Variants in PDILT observed in about 807,000 individuals in gnomAD.
PDILT encodes protein disulfide isomerase like, testis expressed.
PDILT carries 43 observed loss-of-function variants against 53.7 expected under a neutral mutation model. The ratio of observed to expected loss-of-function variants is 0.80; its 90% CI spans 0.63 to 1.03. PDILT has a LOEUF of 1.03. Among genes scored for constraint, PDILT ranks in the 50% least tolerant of loss-of-function variants. The pLI is 0.00. For synonymous variants in PDILT, 282 were observed against 274.2 expected (o/e 1.03, Z -0.28); for missense variants, 727 against 712.3 (o/e 1.02, Z -0.24).
intron 3 of PDILT, among the ~76,000 whole-genome samples, chr16:20,383,548 C>T (rs935106070): frequency 6.8e-6 from 1 of 147,102 alleles, no homozygotes; most frequent in African/African-American, 2.5e-5. Context: ...TCTCTTGTGG[C>T]GCCTTTCTCT....
Position 20,370,912 on chromosome 16 carries a change from A to T in PDILT, c.919-1223T>A, listed in dbSNP as rs557852547. Reference sequence around the variant, plus strand: ...GGAAGTTACACTATATGGTCTAAAAAGGGGAAGCATGAATAATCCACTCCT... The same window carrying T: ...GGAAGTTACACTATATGGTCTAAAATGGGGAAGCATGAATAATCCACTCCT... On this transcript the variant is annotated intron_variant, in intron 7 of 11. Coordinates refer to ENST00000302451, the MANE Select transcript of PDILT (RefSeq NM_174924.2). 2.0e-5 allele frequency among the ~76,000 whole-genome samples: 3 copies of T among 152,350 alleles called. No individual in the cohort carries two copies. The East Asian group carries it at 5.8e-4, about 29-fold the overall frequency.
chr16:20,403,698 G>A (rs757503381), intron 1 of PDILT, among the ~76,000 whole-genome samples: 11 of 151,136 alleles, frequency 7.3e-5, no homozygotes, highest in South Asian at 2.1e-4. Flanking sequence ...CAATCCATTC[G>A]CAAAACCGCA....
intron 8 of PDILT, among the ~76,000 whole-genome samples, chr16:20,367,035 CTTTCTTTCTTTCTTTCTTTCTT>C (rs1966212520): frequency 1.2e-4 from 2 of 16,778 alleles, no homozygotes; most frequent in Non-Finnish European, 3.0e-4. Context: ...TTCTTTCTTT[CTTTCTTTCTTTCTTTCTTTCTT>C]TCTTTCTTTC....
chr16:20,372,908 T>C lies in PDILT; in HGVS notation c.812A>G (p.Glu271Gly), dbSNP rs771250875. The C allele has an allele frequency of 6.2e-7, 1 of 1,613,966 alleles. No individual in the cohort carries two copies. The highest frequency in any genetic ancestry group is 8.5e-7 in the Non-Finnish European group (1 of 1,179,964). ...CAGCATGTGACTCATGATGTGCAACTCGGAAATCAGATCCTTATTCTGAAA... is the reference window on the plus strand; with the variant it reads ...CAGCATGTGACTCATGATGTGCAACCCGGAAATCAGATCCTTATTCTGAAA... ...YNTENKDLIS[E>G]LHIMSHMLLF... The change falls in exon 7 of 12, where the codon GAG (glutamate) becomes GGG (glycine). Residue 271 changes from glutamate (E) to glycine (G), a missense_variant. Coordinates refer to ENST00000302451, the MANE Select transcript of PDILT (RefSeq NM_174924.2).
intron 2 of PDILT, 98 bp downstream of exon 2, chr16:20,399,001 T>C: frequency 8.2e-7 from 1 of 1,222,586 alleles, no homozygotes. Flanking sequence ...TATGTGTTCT[T>C]ATGTGTTTAG....
intron 9 of PDILT, among the ~76,000 whole-genome samples, chr16:20,363,971 C>T (rs574928213): frequency 1.3e-5 from 2 of 152,256 alleles, no homozygotes; most frequent in South Asian, 2.1e-4. Flanking sequence ...AGCGAAATGG[C>T]CTCAAAAGCC....
chr16:20,384,901 C>G, intron 2 of PDILT, 50 bp from the exon 3 acceptor site: 1 of 1,556,758 alleles, frequency 6.4e-7, no homozygotes, highest in East Asian at 2.2e-5. Context: ...CGCTCCCCAT[C>G]TCCAACAGTA....
intron 5 of PDILT, among the ~76,000 whole-genome samples, chr16:20,373,843 C>G (rs111413705): frequency 6.6e-6 from 1 of 152,220 alleles, no homozygotes; most frequent in Non-Finnish European, 1.5e-5. Flanking sequence ...CTGTCTGAGC[C>G]TACTCTGGCT....
At chr16:20,370,667 G>T (rs1341102705) in intron 7 of PDILT, among the ~76,000 whole-genome samples, 6 of 152,282 alleles carry the variant, frequency 3.9e-5, no homozygotes, top group Non-Finnish European at 7.4e-5. Context: ...GACCTACGGG[G>T]CTCCTTTCCC....
rs148719278 is a variant in PDILT, at chr16:20,399,178, C to T, written c.123G>A (p.Glu41=). 15 of 1,614,072 alleles carry T rather than the reference C, an allele frequency of 9.3e-6. No individual in the cohort carries two copies. The highest frequency in any genetic ancestry group is 1.7e-5 in the Admixed American group (1 of 59,994). Reference sequence around the variant, plus strand: ...GCGTTAGCACTAGGAGACTGCGTTCCTCCAGGATGTGCACAGGCTTGGTTA... The same window carrying T: ...GCGTTAGCACTAGGAGACTGCGTTCTTCCAGGATGTGCACAGGCTTGGTTA... ...IHITKPVHIL[E]ERSLLVLTPA... The change falls in exon 2 of 12, where the codon GAG becomes GAA. Residue 41 remains glutamate (E), a synonymous_variant. Coordinates refer to ENST00000302451, the MANE Select transcript of PDILT (RefSeq NM_174924.2).
chr16:20,384,598 G>T (rs751123627), intron 3 of PDILT, 47 bp downstream of exon 3: 264 of 1,608,224 alleles, frequency 1.6e-4, no homozygotes, highest in Non-Finnish European at 2.2e-4. Context: ...GCTGTTAAGT[G>T]GACTTTCCAT....
intron 3 of PDILT, among the ~76,000 whole-genome samples, chr16:20,382,937 A>G (rs1290432492): frequency 1.3e-5 from 2 of 152,198 alleles, no homozygotes; most frequent in African/African-American, 4.8e-5. Context: ...AACAAGCAAT[A>G]AGTAGCAGAT....
intron 2 of PDILT, among the ~76,000 whole-genome samples, chr16:20,387,780 C>T (rs1425421131): frequency 6.6e-6 from 1 of 151,942 alleles, no homozygotes; most frequent in African/African-American, 2.4e-5. Flanking sequence ...ACCACCAGGC[C>T]CTGCTAATAT....
intron 9 of PDILT, 94 bp from the exon 10 acceptor site, chr16:20,362,676 G>A (rs560487750): frequency 2.4e-6 from 3 of 1,260,354 alleles, no homozygotes; most frequent in Non-Finnish European, 3.3e-6. Context: ...TCCACTTGTG[G>A]TCCTGCTGTT....
chr16:20,395,139 A>G (rs1167214574), intron 2 of PDILT, among the ~76,000 whole-genome samples: 1 of 152,218 alleles, frequency 6.6e-6, no homozygotes, highest in Non-Finnish European at 1.5e-5. Context: ...CATTTAAGTT[A>G]GCCTATAACC....
At chr16:20,360,706 G>A (rs1966088095) in intron 10 of PDILT, 49 bp from the exon 11 acceptor site, 1 of 1,353,212 alleles carries the variant, frequency 7.4e-7, no homozygotes, top group East Asian at 2.3e-5. Context: ...TTCCCGCAGA[G>A]ATGCTCGAGG....
intron 2 of PDILT, among the ~76,000 whole-genome samples, chr16:20,397,160 G>C (rs1002655139): frequency 1.9e-4 from 29 of 152,186 alleles, no homozygotes; most frequent in African/African-American, 6.7e-4. Flanking sequence ...TTTTGAGACA[G>C]GTTCTCGCTC....
At chr16:20,365,659 G>A in intron 8 of PDILT, 119 bp from the exon 9 acceptor site, 2 of 1,302,236 alleles carry the variant, frequency 1.5e-6, no homozygotes, top group Non-Finnish European at 1.1e-6. Flanking sequence ...AAGAGCCTTA[G>A]GAAAGGGTTT....
At position 20,369,663 on chromosome 16, in the gene PDILT, G is replaced by A. The variant is rs148290115; in HGVS notation, c.945C>T (p.Asp315=). 1,649 of 1,614,154 alleles carry A rather than the reference G, an allele frequency of 1.0e-3. 18 individuals carry two copies. The African/African-American group carries it at 0.019, about 19-fold the overall frequency. The part of the protein sequence containing the change: ...NKILFILVDA[D]EPRNGRVFKY... ...TGAAGACACGTCCATTTCTGGGTTC[G>A]TCTGCATCCACAAGGATGAAAAGGA... Residue 315 remains aspartate, a synonymous_variant, in exon 8 of 12, where the codon GAC becomes GAT. Transcript: ENST00000302451.
Sources: allele counts gnomAD v4.1 joint callset (sites outside exome capture counted in the v4.1 genomes callset), GRCh38; gene constraint gnomAD v4.1.1; transcripts MANE v1.5; gene names NCBI Gene and HGNC (gene_info 2026-07-23, HGNC 2026-07-21).